Variants in ILRUN observed in about 807,000 individuals in gnomAD.
ILRUN encodes protein ILRUN.
In ILRUN, 3 loss-of-function variants were observed where a neutral mutation model predicts 33.8. That is an observed-to-expected ratio of 0.09 (90% CI 0.04 to 0.23). The LOEUF (loss-of-function observed/expected upper bound fraction) is 0.23, where lower values mean the gene tolerates loss of function less well. Among genes scored for constraint, ILRUN ranks in the 10% least tolerant of loss-of-function variants. The probability of loss-of-function intolerance (pLI) is 1.00; values close to 1 mark genes in which losing one functional copy is unlikely to be tolerated. For synonymous variants in ILRUN, 124 were observed against 138.9 expected (o/e 0.89, Z 0.75); for missense variants, 210 against 375.1 (o/e 0.56, Z 3.64).
At chr6:34,604,611 C>T (rs1255253418) in intron 4 of ILRUN, among the ~76,000 whole-genome samples, 1 of 152,146 alleles carries the variant, frequency 6.6e-6, no homozygotes. Context: ...AGGGCTGGCC[C>T]ATTTACCACC....
intron 4 of ILRUN, among the ~76,000 whole-genome samples, chr6:34,603,007 T>C (rs1011300325): frequency 3.9e-5 from 6 of 152,182 alleles, no homozygotes; most frequent in African/African-American, 1.4e-4. Flanking sequence ...TCTATTACCT[T>C]CATCCTACCA....
In ILRUN at chr6:34,651,734, TAAA is replaced by T. The variant is rs10618162; in HGVS notation, c.313+2888_313+2890del. Among the ~76,000 whole-genome samples, 376 of 132,754 alleles carry T rather than the reference TAAA, an allele frequency of 2.8e-3. 4 individuals carry two copies. Among genetic ancestry groups the T allele is most frequent in the African/African-American group, 8.4e-3 (303 of 36,068 alleles). 87.1% of individuals were successfully genotyped at this position (132,754 alleles called of 152,430 possible). ...CACTTTCCAAACAAACCTCATTTAT[TAAA>T]AAAAAAAAAAATTATATATATATAT... On this transcript the variant is annotated intron_variant, in intron 2 of 4. Transcript: ENST00000374023.
intron 4 of ILRUN, among the ~76,000 whole-genome samples, chr6:34,603,697 T>C (rs1012788784): frequency 6.6e-6 from 1 of 152,218 alleles, no homozygotes; most frequent in Non-Finnish European, 1.5e-5. Context: ...AGGACTGTAT[T>C]GCTCTCTATT....
At chr6:34,606,952 G>T (rs1463472964) in intron 3 of ILRUN, 48 bp from the exon 4 acceptor site, 2 of 1,394,146 alleles carry the variant, frequency 1.4e-6, no homozygotes, top group Non-Finnish European at 2.0e-6. Context: ...ACCCTTAAAG[G>T]CCCAAGATAG....
At chr6:34,683,471 TAC>T (rs767007617) in intron 1 of ILRUN, among the ~76,000 whole-genome samples, 1,629 of 112,748 alleles carry the variant, frequency 0.014, 54 homozygotes, top group African/African-American at 0.027. Flanking sequence ...TACATATATA[TAC>T]ACATATATAT....
chr6:34,642,807 G>A (rs111775694), intron 3 of ILRUN, among the ~76,000 whole-genome samples: 2,942 of 138,880 alleles, frequency 0.021, 80 homozygotes, highest in African/African-American at 0.061. Context: ...AGGCAACATA[G>A]GGAGGTCCCG....
At chr6:34,677,946 C>CAAA (rs1763271749) in intron 1 of ILRUN, among the ~76,000 whole-genome samples, 1 of 81,064 alleles carries the variant, frequency 1.2e-5, no homozygotes, top group African/African-American at 7.2e-5. Context: ...GATCCTGCCT[C>CAAA]CAAAAAAAAA....
At chr6:34,655,572 A>C (rs559082482) in intron 1 of ILRUN, among the ~76,000 whole-genome samples, 2 of 152,296 alleles carry the variant, frequency 1.3e-5, no homozygotes, top group Non-Finnish European at 2.9e-5. Context: ...TTACAGCTGT[A>C]ACCACTATAC....
intron 3 of ILRUN, 73 bp from the exon 4 acceptor site, chr6:34,606,977 C>A: frequency 1.8e-6 from 2 of 1,125,450 alleles, no homozygotes; most frequent in Non-Finnish European, 1.3e-6. Context: ...CACCAAAAAC[C>A]CCAAACATTA....
intron 3 of ILRUN, among the ~76,000 whole-genome samples, chr6:34,628,445 T>C (rs1762183397): frequency 2.0e-5 from 3 of 152,080 alleles, no homozygotes. Flanking sequence ...TGCCTCAGCC[T>C]CCTGAGTAGC....
chr6:34,672,989 C>T (rs1369796199), intron 1 of ILRUN, among the ~76,000 whole-genome samples: 1 of 152,168 alleles, frequency 6.6e-6, no homozygotes, highest in Non-Finnish European at 1.5e-5. Context: ...GGGAAGAAAA[C>T]AGGATTCATT....
rs531429623 is a variant in ILRUN at position 34,682,686 on chromosome 6, C to T, written c.158+13760G>A. Among the ~76,000 whole-genome samples, 5 of 151,888 alleles carry T rather than the reference C, an allele frequency of 3.3e-5. No individual in the cohort carries two copies. The South Asian group carries it at 6.2e-4, about 19-fold the overall frequency. ...TTGGGGTCTCCCTATGTGGCCTAGGCTAGCCTCAAACTCCTAGACTCACAC... is the reference window on the plus strand; with the variant it reads ...TTGGGGTCTCCCTATGTGGCCTAGGTTAGCCTCAAACTCCTAGACTCACAC... On this transcript the variant is annotated intron_variant, in intron 1 of 4. Coordinates refer to ENST00000374023, the MANE Select transcript of ILRUN (RefSeq NM_024294.4).
intron 1 of ILRUN, among the ~76,000 whole-genome samples, chr6:34,670,541 A>C (rs1763095471): frequency 6.6e-6 from 1 of 152,126 alleles, no homozygotes; most frequent in Admixed American, 6.6e-5. Context: ...TTGGTTTGAA[A>C]ATCTTCAAAA....
intron 1 of ILRUN, among the ~76,000 whole-genome samples, chr6:34,676,882 T>C (rs868601958): frequency 5.9e-5 from 9 of 151,976 alleles, no homozygotes; most frequent in African/African-American, 2.2e-4. Flanking sequence ...TGGTACATAC[T>C]TCTTGGGGGC....
chr6:34,640,897 G>A (rs1361087018), intron 3 of ILRUN, among the ~76,000 whole-genome samples: 1 of 150,828 alleles, frequency 6.6e-6, no homozygotes, highest in Non-Finnish European at 1.5e-5. Flanking sequence ...TAGACAACAT[G>A]GTAAAACCCC....
chr6:34,623,831 T>A (rs1326222192), intron 3 of ILRUN, among the ~76,000 whole-genome samples: 1 of 152,076 alleles, frequency 6.6e-6, no homozygotes, highest in Non-Finnish European at 1.5e-5. Context: ...ACTCCTCCAA[T>A]ACTTCTTTTT....
chr6:34,599,839 C>T (rs1205163872), intron 4 of ILRUN, among the ~76,000 whole-genome samples: 1 of 152,236 alleles, frequency 6.6e-6, no homozygotes, highest in African/African-American at 2.4e-5. Flanking sequence ...CTACTGCATC[C>T]TTTCCCCTAT....
intron 4 of ILRUN, among the ~76,000 whole-genome samples, chr6:34,591,819 C>T (rs902427546): frequency 4.6e-5 from 7 of 152,128 alleles, no homozygotes; most frequent in Non-Finnish European, 7.4e-5. Context: ...AAAAAAATCA[C>T]GTGGTAAGAG....
intron 1 of ILRUN, among the ~76,000 whole-genome samples, chr6:34,665,400 T>C (rs114849089): frequency 2.0e-5 from 3 of 151,940 alleles, no homozygotes; most frequent in Admixed American, 6.6e-5. Context: ...CAAGCTGTTA[T>C]TGTACCACTG....
Sources: gnomAD v4.1 joint callset for allele counts (sites outside exome capture counted in the v4.1 genomes callset) on GRCh38, gnomAD v4.1.1 for gene constraint, MANE v1.5 for transcripts, NCBI Gene and HGNC (gene_info 2026-07-23, HGNC 2026-07-21) for gene names.